PTPRT: variants seen among roughly 807,000 people sequenced by gnomAD.
PTPRT encodes the protein protein tyrosine phosphatase receptor type T.
In PTPRT, 56 loss-of-function variants were observed where a neutral mutation model predicts 176.8. The ratio of observed to expected loss-of-function variants is 0.32; its 90% CI spans 0.26 to 0.40. The LOEUF (loss-of-function observed/expected upper bound fraction) is 0.40, where lower values mean the gene tolerates loss of function less well. Ranked by LOEUF, PTPRT falls within the 10% of genes least tolerant of loss-of-function variation. The pLI is 1.00. For synonymous variants in PTPRT, 783 were observed against 739.0 expected (o/e 1.06, Z -0.96); for missense variants, 1,540 against 1,908.2 (o/e 0.81, Z 3.60).
At chr20:43,060,094 T>G (rs1466777552) in intron 1 of PTPRT, among the ~76,000 whole-genome samples, 2 of 152,180 alleles carry the variant, frequency 1.3e-5, no homozygotes, top group Non-Finnish European at 2.9e-5. Flanking sequence ...TCCAGCCTCA[T>G]TATCCAGTTC....
At chr20:42,186,804 T>C (rs371902798) in intron 16 of PTPRT, among the ~76,000 whole-genome samples, 1 of 152,038 alleles carries the variant, frequency 6.6e-6, no homozygotes, top group African/African-American at 2.4e-5. Context: ...AGGTAAGAGA[T>C]GATGATGACT....
intron 21 of PTPRT, among the ~76,000 whole-genome samples, chr20:42,117,273 T>A (rs920582886): frequency 6.6e-6 from 1 of 152,226 alleles, no homozygotes; most frequent in South Asian, 2.1e-4. Context: ...AGAATTCATC[T>A]TTATGAATTA....
At chr20:42,851,466 T>C (rs1600473616) in intron 2 of PTPRT, among the ~76,000 whole-genome samples, 3 of 152,290 alleles carry the variant, frequency 2.0e-5, no homozygotes, top group South Asian at 2.1e-4. Flanking sequence ...ATTATAGGCA[T>C]CTATAATTAT....
At chr20:42,959,816 T>C (rs1015658779) in intron 1 of PTPRT, among the ~76,000 whole-genome samples, 2 of 152,096 alleles carry the variant, frequency 1.3e-5, no homozygotes, top group Non-Finnish European at 2.9e-5. Flanking sequence ...TGCAGAAAGA[T>C]TTCCTAAGTC....
At chr20:42,736,873 A>G (rs1197289502) in intron 6 of PTPRT, among the ~76,000 whole-genome samples, 2 of 152,058 alleles carry the variant, frequency 1.3e-5, no homozygotes, top group African/African-American at 4.8e-5. Flanking sequence ...ACCTCATCAC[A>G]CTCTTGTCTG....
At chr20:42,301,183 A>G (rs79183857) in intron 12 of PTPRT, among the ~76,000 whole-genome samples, 8,589 of 152,302 alleles carry the variant, frequency 0.056, 321 homozygotes, top group Middle Eastern at 0.11. Flanking sequence ...TTAAGTAATC[A>G]AAGTTAATGT....
intron 7 of PTPRT, among the ~76,000 whole-genome samples, chr20:42,529,847 G>GAAA (rs140817588): frequency 9.2e-6 from 1 of 108,516 alleles, no homozygotes; most frequent in South Asian, 3.0e-4. Context: ...CTTGTTAGAG[G>GAAA]AAAAAAAAAA....
intron 26 of PTPRT, among the ~76,000 whole-genome samples, chr20:42,100,255 C>T (rs991189892): frequency 4.6e-5 from 7 of 152,196 alleles, no homozygotes; most frequent in East Asian, 1.9e-4. Flanking sequence ...AAAATATGTT[C>T]GAGATCCGTG....
chr20:42,652,956 T>C (rs149176378), intron 7 of PTPRT, among the ~76,000 whole-genome samples: 118 of 152,294 alleles, frequency 7.7e-4, no homozygotes, highest in African/African-American at 2.7e-3. Flanking sequence ...ACTGACAGCC[T>C]ACATCATGTG....
At chr20:43,062,789 T>C (rs145354015) in intron 1 of PTPRT, among the ~76,000 whole-genome samples, 1 of 152,326 alleles carries the variant, frequency 6.6e-6, no homozygotes, top group South Asian at 2.1e-4. Context: ...ATGGGAGTTT[T>C]CTACTATATT....
intron 7 of PTPRT, among the ~76,000 whole-genome samples, chr20:42,653,696 G>C (rs2075072847): frequency 6.6e-6 from 1 of 152,182 alleles, no homozygotes; most frequent in South Asian, 2.1e-4. Context: ...TTAAAAAATA[G>C]TTTCATTTTC....
At chr20:43,111,854 C>A (rs1368212966) in intron 1 of PTPRT, among the ~76,000 whole-genome samples, 3 of 152,178 alleles carry the variant, frequency 2.0e-5, no homozygotes, top group African/African-American at 4.8e-5. Flanking sequence ...AAATGAGCTG[C>A]CAGTCATCAG....
At chr20:42,961,280 A>T (rs1981968628) in intron 1 of PTPRT, among the ~76,000 whole-genome samples, 1 of 152,188 alleles carries the variant, frequency 6.6e-6, no homozygotes, top group African/African-American at 2.4e-5. Context: ...GAAGGTGGTG[A>T]TAAAGATTGC....
chr20:42,840,843 T>C (rs554480899), intron 2 of PTPRT, among the ~76,000 whole-genome samples: 33 of 152,260 alleles, frequency 2.2e-4, no homozygotes, highest in Non-Finnish European at 3.7e-4. Context: ...ACAGCATGAG[T>C]TGCTACTTGG....
chr20:42,060,785 C>G, the PTPRT span, among the ~76,000 whole-genome samples: 7 of 152,210 alleles, frequency 4.6e-5, no homozygotes, highest in Non-Finnish European at 1.0e-4. Flanking sequence ...GACGAATACA[C>G]TCTGTAACCC....
intron 8 of PTPRT, among the ~76,000 whole-genome samples, chr20:42,454,783 A>G (rs1265673647): frequency 2.0e-5 from 3 of 152,182 alleles, no homozygotes; most frequent in Non-Finnish European, 4.4e-5. Flanking sequence ...TAGTTTTTGT[A>G]TGGGAGAAAG....
chr20:42,486,407 T>C (rs2071465037), intron 7 of PTPRT, among the ~76,000 whole-genome samples: 1 of 152,228 alleles, frequency 6.6e-6, no homozygotes. Context: ...CAAATAGTCT[T>C]GCTCAGATAC....
At chr20:42,535,559 T>C (rs912972112) in intron 7 of PTPRT, among the ~76,000 whole-genome samples, 1 of 152,190 alleles carries the variant, frequency 6.6e-6, no homozygotes, top group Admixed American at 6.5e-5. Context: ...GCATTACTTC[T>C]AGACAGCTAG....
At chr20:42,371,637 T>G (rs541431784) in intron 9 of PTPRT, among the ~76,000 whole-genome samples, 1 of 152,256 alleles carries the variant, frequency 6.6e-6, no homozygotes, top group East Asian at 1.9e-4. Context: ...ATAAATAAGC[T>G]CCAGTTTCAG....
Sources: allele counts gnomAD v4.1 joint callset (sites outside exome capture counted in the v4.1 genomes callset), GRCh38; gene constraint gnomAD v4.1.1; transcripts MANE v1.5; gene names NCBI Gene and HGNC (gene_info 2026-07-23, HGNC 2026-07-21).